The following PTPRD variants were observed in gnomAD, a reference collection of about 807,000 sequenced individuals.
The protein encoded by PTPRD is protein tyrosine phosphatase receptor type D, also known as receptor-type tyrosine-protein phosphatase delta.
A neutral mutation model predicts 214.5 loss-of-function variants in PTPRD; 34 were observed. The observed-to-expected ratio is 0.16, with a 90% CI of 0.12 to 0.21. The LOEUF is 0.21. Among genes scored for constraint, PTPRD ranks in the 10% least tolerant of loss-of-function variants. PTPRD has a pLI of 1.00. For missense variants in PTPRD, 2,545 were observed against 2,398.7 expected (o/e 1.06, Z -1.27); for synonymous variants, 1,128 against 845.7 (o/e 1.33, Z -5.79).
At position 9,670,044 on chromosome 9, in the gene PTPRD, T is replaced by A. The variant is rs143260165; in HGVS notation, c.-287+64489A>T. 6.0e-4 allele frequency among the ~76,000 whole-genome samples: 92 copies of A among 152,298 alleles called. 1 individual carries two copies. The highest frequency in any genetic ancestry group is 2.1e-3 in the African/African-American group (88 of 41,568). On this transcript the variant is annotated intron_variant, in intron 7 of 45. Coordinates refer to ENST00000381196, the MANE Select transcript of PTPRD (RefSeq NM_002839.4). ...AGAGGGAGAGATCTTAAAACTTTAA[T>A]CAGCTAACAGTAAATTGGAGTAATA... is the stretch of plus-strand genomic sequence containing the variant.
Position 9,075,758 on chromosome 9 carries a change from G to T in PTPRD, c.-142-57023C>A, listed in dbSNP as rs189470128. Among the ~76,000 whole-genome samples the T allele has an allele frequency of 3.1e-3, 474 of 152,204 alleles. 3 individuals carry two copies. The highest frequency in any genetic ancestry group is 0.011 in the African/African-American group (445 of 41,532). ...CCTGAACTCATCCTTTTTTATGGCT[G>T]CATAGTATTCCATGATGTATATGTG... On this transcript the variant is annotated intron_variant, in intron 10 of 45. Transcript: ENST00000381196.
intron 9 of PTPRD, among the ~76,000 whole-genome samples, chr9:9,186,990 T>G (rs1262211797): frequency 6.6e-6 from 1 of 151,744 alleles, no homozygotes; most frequent in African/African-American, 2.4e-5. Context: ...CTCTTGAGTA[T>G]TATATAAAAT....
In PTPRD at chr9:9,099,932, T is replaced by TC. The variant is rs140883692; in HGVS notation, c.-142-81198dup. Among the ~76,000 whole-genome samples the TC allele has an allele frequency of 5.3e-3, 811 of 152,240 alleles. 10 individuals are homozygous for TC. Among genetic ancestry groups the TC allele is most frequent in the African/African-American group, 0.019 (769 of 41,550 alleles). On this transcript the variant is annotated intron_variant, in intron 10 of 45. Transcript: ENST00000381196. ...TTGAAAAGTCTATATTTTAAGCAACTCAGGGGAAAATCTGTTCCAATTAGT... is the reference window on the plus strand; with the variant it reads ...TTGAAAAGTCTATATTTTAAGCAACTCCAGGGGAAAATCTGTTCCAATTAGT...
chr9:9,745,508 C>G (rs1171742464), intron 6 of PTPRD, among the ~76,000 whole-genome samples: 1 of 152,070 alleles, frequency 6.6e-6, no homozygotes, highest in African/African-American at 2.4e-5. Context: ...TTATCACCAT[C>G]GTGGCAGGGC....
chr9:8,315,949 TA>T lies in PTPRD; in HGVS notation c.*1924del, dbSNP rs1821456723. 1 of 226,126 alleles carries T rather than the reference TA, an allele frequency of 4.4e-6. No homozygotes were observed. Among genetic ancestry groups the T allele is most frequent in the Non-Finnish European group, 8.8e-6 (1 of 113,668 alleles). The allele number at this position is 226,126 out of a possible 1,614,324, so 14.0% of individuals were successfully genotyped here. A position where few individuals can be genotyped will look rare whatever the true frequency, so the allele number is the denominator to read the frequency against. ...ATTGGGGGTAAGATACATATATATA[TA>T]TAGTTTATTTCCCCTTTTAGAAAAA... On this transcript the variant is annotated 3_prime_UTR_variant, in exon 46 of 46. Transcript: ENST00000381196.
chr9:8,486,722 T>A (rs912767581), intron 27 of PTPRD, among the ~76,000 whole-genome samples: 1 of 152,224 alleles, frequency 6.6e-6, no homozygotes, highest in Non-Finnish European at 1.5e-5. Flanking sequence ...ACTATAATGA[T>A]TATTTATTCG....
intron 10 of PTPRD, among the ~76,000 whole-genome samples, chr9:9,037,057 A>G (rs542446902): frequency 1.1e-4 from 16 of 152,326 alleles, no homozygotes; most frequent in South Asian, 2.1e-4. Flanking sequence ...AATTTCATCT[A>G]CACAATGGTA....
intron 9 of PTPRD, among the ~76,000 whole-genome samples, chr9:9,225,527 C>G (rs2099958881): frequency 6.6e-6 from 1 of 152,060 alleles, no homozygotes; most frequent in Admixed American, 6.6e-5. Context: ...TCTATCTATG[C>G]AGAACCCACT....
At chr9:8,621,209 G>A (rs1310262421) in intron 14 of PTPRD, among the ~76,000 whole-genome samples, 1 of 151,700 alleles carries the variant, frequency 6.6e-6, no homozygotes, top group Non-Finnish European at 1.5e-5. Flanking sequence ...GAGATTTTCT[G>A]GCACCCGAGT....
chr9:9,785,843 G>A (rs914472228), intron 5 of PTPRD, among the ~76,000 whole-genome samples: 2 of 151,938 alleles, frequency 1.3e-5, no homozygotes, highest in African/African-American at 2.4e-5. Context: ...ACATACAAAA[G>A]GTACCATTTT....
At chr9:9,203,260 C>G (rs2099942936) in intron 9 of PTPRD, among the ~76,000 whole-genome samples, 1 of 152,024 alleles carries the variant, frequency 6.6e-6, no homozygotes, top group Non-Finnish European at 1.5e-5. Flanking sequence ...CACACACACA[C>G]ACAATCAGAT....
intron 11 of PTPRD, among the ~76,000 whole-genome samples, chr9:8,864,747 TG>T (rs1368483443): frequency 6.6e-6 from 1 of 152,194 alleles, no homozygotes; most frequent in Non-Finnish European, 1.5e-5. Context: ...CTCCAGATCT[TG>T]CTTTGTTTTC....
chr9:9,081,379 T>C (rs1336715685), intron 10 of PTPRD, among the ~76,000 whole-genome samples: 9 of 152,244 alleles, frequency 5.9e-5, no homozygotes, highest in African/African-American at 2.2e-4. Flanking sequence ...ATGATTTCCA[T>C]TCTTTTGCAT....
chr9:8,666,898 A>G (rs2097181217), intron 12 of PTPRD, among the ~76,000 whole-genome samples: 1 of 152,144 alleles, frequency 6.6e-6, no homozygotes, highest in South Asian at 2.1e-4. Flanking sequence ...TAATATTTTC[A>G]CACTAGCACA....
At chr9:9,371,277 C>A (rs895027467) in intron 9 of PTPRD, among the ~76,000 whole-genome samples, 4 of 152,056 alleles carry the variant, frequency 2.6e-5, no homozygotes, top group Non-Finnish European at 5.9e-5. Flanking sequence ...TTAATTATTG[C>A]CTCAATTTCA....
intron 42 of PTPRD, among the ~76,000 whole-genome samples, chr9:8,339,924 T>C (rs1489546639): frequency 1.3e-5 from 2 of 152,114 alleles, no homozygotes; most frequent in African/African-American, 4.8e-5. Context: ...CAACACTTTA[T>C]TCAATGGGAG....
chr9:10,396,056 A>G (rs2098164427), intron 2 of PTPRD, among the ~76,000 whole-genome samples: 1 of 151,802 alleles, frequency 6.6e-6, no homozygotes, highest in Non-Finnish European at 1.5e-5. Context: ...AGAACGTTCC[A>G]GTTTTCAGTT....
At chr9:9,911,226 A>G (rs1393458002) in intron 5 of PTPRD, among the ~76,000 whole-genome samples, 1 of 152,076 alleles carries the variant, frequency 6.6e-6, no homozygotes, top group Non-Finnish European at 1.5e-5. Flanking sequence ...CCTTGTCAGG[A>G]AACAAATTCC....
At chr9:8,901,044 G>A (rs902525629) in intron 11 of PTPRD, among the ~76,000 whole-genome samples, 3 of 152,054 alleles carry the variant, frequency 2.0e-5, no homozygotes, top group African/African-American at 7.2e-5. Flanking sequence ...GAAAAAAGGA[G>A]GAAAAGGACA....
Sources: allele counts gnomAD v4.1 joint callset (sites outside exome capture counted in the v4.1 genomes callset), GRCh38; gene constraint gnomAD v4.1.1; transcripts MANE v1.5; gene names NCBI Gene and HGNC (gene_info 2026-07-23, HGNC 2026-07-21).